The following PFKFB4 variants were observed in gnomAD, a reference collection of about 807,000 sequenced individuals.
PFKFB4 encodes 6-phosphofructo-2-kinase/fructose-2,6-bisphosphatase 4.
In PFKFB4, 42 loss-of-function variants were observed where a neutral mutation model predicts 62.8. The observed-to-expected ratio is 0.67, with a 90% CI of 0.52 to 0.86. PFKFB4 has a LOEUF of 0.86. PFKFB4 is among the 40% of genes least tolerant of loss of function. The pLI, the probability that PFKFB4 is intolerant of heterozygous loss-of-function variation, is 0.00. For synonymous variants in PFKFB4, 204 were observed against 240.7 expected, an observed-to-expected ratio of 0.85 and a Z score of 1.41; for missense variants, 475 against 627.2, an observed-to-expected ratio of 0.76 and a Z score of 2.59.
rs186317133 is a variant in PFKFB4, at chr3:48,532,513, G to A, written c.987+2999C>T. Among the ~76,000 whole-genome samples the A allele has an allele frequency of 2.6e-3, 402 of 152,254 alleles. 1 individual carries two copies. Among genetic ancestry groups the A allele is most frequent in the Non-Finnish European group, 3.7e-3 (249 of 68,018 alleles). On this transcript the variant is annotated intron_variant, in intron 9 of 13. Transcript: ENST00000232375. ...TCCATTGGCAGATGAATGGATACAC[G>A]AAATGTGGTATACAATAGAATCTTA...
intron 1 of PFKFB4, among the ~76,000 whole-genome samples, chr3:48,551,016 T>G (rs1353299242): frequency 6.6e-6 from 1 of 152,148 alleles, no homozygotes; most frequent in African/African-American, 2.4e-5. Flanking sequence ...AGACCCAGAC[T>G]GATGCCCACA....
chr3:48,519,977 G>A (rs907922552), intron 13 of PFKFB4, among the ~76,000 whole-genome samples, 171 bp from the exon 14 acceptor site: 3 of 152,182 alleles, frequency 2.0e-5, no homozygotes, highest in Non-Finnish European at 4.4e-5. Flanking sequence ...CAAGAGCTTC[G>A]TGCCACATAG....
upstream of PFKFB4, chr3:48,562,296 T>C (rs1348685081): frequency 6.3e-6 from 1 of 158,146 alleles, no homozygotes; most frequent in South Asian, 1.9e-4. The surrounding 1 kb of genome is among the most constrained non-coding windows in gnomAD (Gnocchi z 4.3). Flanking sequence ...TGGTGGCCTA[T>C]GGGATGACAG....
upstream of PFKFB4, among the ~76,000 whole-genome samples, chr3:48,557,245 C>T (rs973437992): frequency 3.3e-5 from 5 of 152,202 alleles, no homozygotes; most frequent in African/African-American, 1.2e-4. Flanking sequence ...CCCAGGGCCC[C>T]CAGGAGGGAG....
intron 9 of PFKFB4, among the ~76,000 whole-genome samples, chr3:48,533,044 T>C (rs1402238181): frequency 6.6e-6 from 1 of 152,238 alleles, no homozygotes; most frequent in Non-Finnish European, 1.5e-5. Context: ...TTTTTCTTTT[T>C]AAAATTTTTT....
At chr3:48,528,077 A>G (rs1290617923) in intron 9 of PFKFB4, among the ~76,000 whole-genome samples, 1 of 152,128 alleles carries the variant, frequency 6.6e-6, no homozygotes, top group Non-Finnish European at 1.5e-5. Context: ...GTGAGCCCAC[A>G]AGGGGAAATG....
chr3:48,558,593 C>T (rs2043385561), upstream of PFKFB4, among the ~76,000 whole-genome samples: 1 of 152,244 alleles, frequency 6.6e-6, no homozygotes, highest in Non-Finnish European at 1.5e-5. Flanking sequence ...GTCTTGCCCA[C>T]TTCATAGGAA....
chr3:48,559,247 T>A (rs1424666878), upstream of PFKFB4, among the ~76,000 whole-genome samples: 1 of 152,184 alleles, frequency 6.6e-6, no homozygotes, highest in Non-Finnish European at 1.5e-5. Flanking sequence ...AGGCCCTATG[T>A]CCAGCTGGAA....
chr3:48,522,029 A>C lies in PFKFB4; in HGVS notation c.1307T>G (p.Phe436Cys). The C allele has an allele frequency of 6.2e-7, 1 of 1,614,178 alleles. No homozygotes were observed. Among genetic ancestry groups the C allele is most frequent in the Middle Eastern group, 1.6e-4 (1 of 6,062 alleles). ...CGTGTTCACAGCAGCCACGTTCAGG[A>C]ATATGGACTCCACTTTACAACCTGC... is the stretch of plus-strand genomic sequence containing the variant. ...VAYGCKVESI[F>C]LNVAAVNTHR... The change falls in exon 13 of 14, where the codon TTC (phenylalanine) becomes TGC (cysteine). Residue 436 changes from phenylalanine to cysteine, a missense_variant. Physicochemically the swap from Phe to Cys is radical, Grantham distance 205. Coordinates refer to ENST00000232375, the MANE Select transcript of PFKFB4 (RefSeq NM_004567.4).
In PFKFB4 at chr3:48,523,882, C is replaced by G. The variant is rs754376188; in HGVS notation, c.1093-52G>C. ...CTCAGGCCTGGCTCCGGGGGAGGGA[C>G]AGACACATCCTGGACACTGGGCCAC... On this transcript the variant is annotated intron_variant, in intron 10 of 13. Transcript: ENST00000232375. 3.2e-6 allele frequency: 5 copies of G among 1,581,390 alleles called. No homozygotes were observed. In the South Asian group the frequency reaches 5.8e-5, roughly 18 times the overall value.
chr3:48,543,779 T>A (rs1408715694), intron 3 of PFKFB4, 133 bp from the exon 4 acceptor site: 4 of 707,142 alleles, frequency 5.7e-6, no homozygotes, highest in African/African-American at 1.8e-5. Flanking sequence ...TTTTCAAAGT[T>A]TCCCTTCTCT....
At position 48,543,583 on chromosome 3, in the gene PFKFB4, C is replaced by T. The variant is rs1321675502; in HGVS notation, c.375G>A (p.Val125=). Residue 125 remains valine, a synonymous_variant, in exon 4 of 14, where the codon GTG becomes GTA. Transcript: ENST00000232375. ...RRFLSEEGGH[V]AVFDATNTTR... is the part of the protein sequence containing the mutation. ...GTCACCAGGGTGTCACACTCACCGC[C>T]ACATGTCCCCCCTCCTCACTAAGGA... is the stretch of plus-strand genomic sequence containing the variant. The T allele has an allele frequency of 1.9e-6, 3 of 1,608,688 alleles. No individual in the cohort carries two copies. Among genetic ancestry groups the T allele is most frequent in the Middle Eastern group, 3.3e-4 (2 of 6,082 alleles).
rs545539749 is a variant in PFKFB4 at position 48,556,511 on chromosome 3, G to C, written c.97+170C>G. On this transcript the variant is annotated intron_variant, in intron 1 of 13. Coordinates refer to ENST00000232375, the MANE Select transcript of PFKFB4 (RefSeq NM_004567.4). The surrounding 1 kb of genome is among the most constrained non-coding windows in gnomAD (Gnocchi z 5.7). ...CCACACCTGTCTCTGGCCCACCACT[G>C]TCACGACCGCCTCACCTGTCCCCAG... Among the ~76,000 whole-genome samples the C allele has an allele frequency of 3.0e-4, 46 of 151,834 alleles. No homozygotes were observed. The highest frequency in any genetic ancestry group is 1.1e-3 in the African/African-American group (45 of 41,402).
intron 1 of PFKFB4, chr3:48,555,963 G>A (rs192764834): frequency 2.6e-5 from 9 of 352,604 alleles, no homozygotes; most frequent in African/African-American, 1.3e-4. Context: ...TCAAGGAAGC[G>A]GTTTAAACAC....
At chr3:48,550,551 TC>T (rs2043110695) in intron 1 of PFKFB4, among the ~76,000 whole-genome samples, 1 of 150,932 alleles carries the variant, frequency 6.6e-6, no homozygotes, top group South Asian at 2.1e-4. Flanking sequence ...GCTAGGGGGG[TC>T]CCCACCGCAT....
At position 48,556,338 on chromosome 3, in the gene PFKFB4, G is replaced by A. The variant is rs1346222721; in HGVS notation, c.97+343C>T. The A allele has an allele frequency of 1.9e-6, 1 of 525,884 alleles. No homozygotes were observed. The highest frequency in any genetic ancestry group is 4.2e-5 in the East Asian group (1 of 23,770). The allele number at this position is 525,884 out of a possible 1,614,324, so 32.6% of individuals were successfully genotyped here. On this transcript the variant is annotated intron_variant, in intron 1 of 13. Coordinates refer to ENST00000232375, the MANE Select transcript of PFKFB4 (RefSeq NM_004567.4). The surrounding 1 kb of genome is among the most constrained non-coding windows in gnomAD (Gnocchi z 5.7). ...GCCAGGAGAGAGGGAAGGGCCTGGG[G>A]TGCCCACAGGGTCCTCCCCAGACTG...
upstream of PFKFB4, chr3:48,559,658 C>A: frequency 4.4e-6 from 2 of 454,806 alleles, no homozygotes; most frequent in Middle Eastern, 3.3e-4. Flanking sequence ...CTGTCCCAGG[C>A]GTGGGAAGTA....
chr3:48,522,176 G>C, intron 12 of PFKFB4, 126 bp from the exon 13 acceptor site: 1 of 834,306 alleles, frequency 1.2e-6, no homozygotes, highest in Non-Finnish European at 2.0e-6. Context: ...CCTCACTCTA[G>C]TTCTTCCACT....
chr3:48,554,485 AC>A, intron 1 of PFKFB4, among the ~76,000 whole-genome samples: 1 of 152,014 alleles, frequency 6.6e-6, no homozygotes, highest in South Asian at 2.1e-4. Context: ...AACCCAGCCT[AC>A]CCCAACACCC....
Sources: gnomAD v4.1 joint callset for allele counts (sites outside exome capture counted in the v4.1 genomes callset) on GRCh38, gnomAD v4.1.1 for gene constraint, Gnocchi (gnomAD v3.1) non-coding constraint, MANE v1.5 for transcripts, NCBI Gene and HGNC (gene_info 2026-07-23, HGNC 2026-07-21) for gene names.